The following RASAL2 variants were observed in gnomAD, a reference collection of about 807,000 sequenced individuals.
RASAL2 encodes RAS protein activator like 2.
RASAL2 carries 58 observed loss-of-function variants against 128.9 expected under a neutral mutation model. That is an observed-to-expected ratio of 0.45 (90% CI 0.36 to 0.56). The LOEUF is 0.56. RASAL2 is among the 20% of genes least tolerant of loss of function. The pLI, the probability that RASAL2 is intolerant of heterozygous loss-of-function variation, is 0.00. For synonymous variants in RASAL2, 561 were observed against 580.8 expected, an observed-to-expected ratio of 0.97 and a Z score of 0.49; for missense variants, 1,360 against 1,601.6, an observed-to-expected ratio of 0.85 and a Z score of 2.57.
intron 1 of RASAL2, among the ~76,000 whole-genome samples, chr1:178,268,563 A>G (rs546557232): frequency 6.6e-6 from 1 of 152,158 alleles, no homozygotes; most frequent in South Asian, 2.1e-4. Context: ...AAAGGTCACA[A>G]TGAGCTATGA....
chr1:178,119,610 C>T (rs1041880618), intron 1 of RASAL2, among the ~76,000 whole-genome samples: 1 of 152,212 alleles, frequency 6.6e-6, no homozygotes, highest in African/African-American at 2.4e-5. Flanking sequence ...GTTCAGTTTT[C>T]CTGATATGTA....
chr1:178,364,661 G>A (rs1159631248), intron 3 of RASAL2, among the ~76,000 whole-genome samples: 2 of 152,160 alleles, frequency 1.3e-5, no homozygotes, highest in East Asian at 3.8e-4. Flanking sequence ...CTAATCATAG[G>A]TATATTGGGT....
At chr1:178,441,476 T>C in intron 6 of RASAL2, 73 bp from the exon 7 acceptor site, 1 of 1,003,010 alleles carries the variant, frequency 1.0e-6, no homozygotes, top group Non-Finnish European at 1.6e-6. Flanking sequence ...GTTAGAGGTA[T>C]GCTGTGAACC....
intron 3 of RASAL2, among the ~76,000 whole-genome samples, chr1:178,370,727 A>G (rs1316753610): frequency 2.1e-4 from 32 of 152,162 alleles, no homozygotes; most frequent in Admixed American, 2.1e-3. Flanking sequence ...AGCTCCATCT[A>G]AGTGCCAAGC....
At chr1:178,339,631 A>C (rs367751670) in intron 3 of RASAL2, among the ~76,000 whole-genome samples, 1 of 152,188 alleles carries the variant, frequency 6.6e-6, no homozygotes, top group East Asian at 1.9e-4. Flanking sequence ...AAGCCTGTTC[A>C]TTTTGGATAG....
chr1:178,242,526 C>G (rs921214522), intron 1 of RASAL2, among the ~76,000 whole-genome samples: 9 of 150,148 alleles, frequency 6.0e-5, no homozygotes, highest in African/African-American at 2.0e-4. Flanking sequence ...CTCCTGGGCT[C>G]AAGCAGTCCT....
At chr1:178,396,618 T>C (rs1450916376) in intron 4 of RASAL2, among the ~76,000 whole-genome samples, 1 of 152,136 alleles carries the variant, frequency 6.6e-6, no homozygotes, top group East Asian at 1.9e-4. Flanking sequence ...GAATTGCTGG[T>C]AAACAATAAT....
intron 1 of RASAL2, among the ~76,000 whole-genome samples, chr1:178,221,239 GT>G (rs1663602872): frequency 6.6e-6 from 1 of 152,170 alleles, no homozygotes; most frequent in Non-Finnish European, 1.5e-5. Context: ...TTAGGAGGCT[GT>G]TGAGATTTTT....
chr1:178,313,222 G>A (rs1226842645), intron 3 of RASAL2, among the ~76,000 whole-genome samples: 1 of 152,158 alleles, frequency 6.6e-6, no homozygotes, highest in Non-Finnish European at 1.5e-5. Context: ...GAGTATGTAT[G>A]CACCTACTGG....
chr1:178,233,666 C>T (rs776786942), intron 1 of RASAL2, among the ~76,000 whole-genome samples: 39 of 152,310 alleles, frequency 2.6e-4, no homozygotes, highest in Non-Finnish European at 4.1e-4. Context: ...ACCTGGTCAA[C>T]AGCCGATCAC....
intron 1 of RASAL2, among the ~76,000 whole-genome samples, chr1:178,157,698 A>C (rs2101889282): frequency 6.6e-6 from 1 of 152,228 alleles, no homozygotes; most frequent in East Asian, 1.9e-4. Flanking sequence ...ATTGCATGTA[A>C]ATCTGTTAGG....
intron 1 of RASAL2, among the ~76,000 whole-genome samples, chr1:178,162,451 A>G (rs1661354108): frequency 8.2e-6 from 1 of 122,352 alleles, no homozygotes; most frequent in Non-Finnish European, 1.6e-5. Context: ...TAATATATAT[A>G]ATATTAAATA....
chr1:178,423,601 C>T (rs1484443724), intron 5 of RASAL2, among the ~76,000 whole-genome samples: 3 of 152,000 alleles, frequency 2.0e-5, no homozygotes, highest in East Asian at 3.9e-4. Flanking sequence ...TCGTAAGTTG[C>T]CTGAGGTTAT....
chr1:178,265,533 G>A (rs1395021049), intron 1 of RASAL2, among the ~76,000 whole-genome samples: 3 of 152,226 alleles, frequency 2.0e-5, no homozygotes, highest in Non-Finnish European at 2.9e-5. Flanking sequence ...CTCCCTAAAA[G>A]AGTAGGTATT....
chr1:178,404,912 G>T (rs2102675381), intron 4 of RASAL2, among the ~76,000 whole-genome samples: 1 of 152,040 alleles, frequency 6.6e-6, no homozygotes, highest in South Asian at 2.1e-4. Flanking sequence ...ATACTCCTAG[G>T]ATCAATCAAT....
At chr1:178,099,259 T>C (rs1658802896) in intron 1 of RASAL2, among the ~76,000 whole-genome samples, 1 of 152,232 alleles carries the variant, frequency 6.6e-6, no homozygotes, top group Admixed American at 6.5e-5. Context: ...ATTTTTGGAA[T>C]CTTAAGCTTG....
chr1:178,094,366 C>G lies in RASAL2; in HGVS notation c.-127C>G, dbSNP rs1658584116. 1.1e-6 allele frequency: 1 copy of G among 884,448 alleles called. No homozygotes were observed. Among genetic ancestry groups the G allele is most frequent in the African/African-American group, 1.8e-5 (1 of 55,642 alleles). 54.8% of individuals were successfully genotyped at this position (884,448 alleles called of 1,614,324 possible). ...GGAAGGAGGTGAGAGGTGTCCGCGCCGGCTGCCGCTCGGGTCCCTGCCCTC... is the reference window on the plus strand; with the variant it reads ...GGAAGGAGGTGAGAGGTGTCCGCGCGGGCTGCCGCTCGGGTCCCTGCCCTC... On this transcript the variant is annotated 5_prime_UTR_variant, in exon 1 of 18. Coordinates refer to ENST00000367649, the MANE Select transcript of RASAL2 (RefSeq NM_170692.4).
chr1:178,162,306 T>A (rs1661335613), intron 1 of RASAL2, among the ~76,000 whole-genome samples: 1 of 128,498 alleles, frequency 7.8e-6, no homozygotes, highest in South Asian at 2.2e-4. Flanking sequence ...TATATATATA[T>A]ATAATGTATT....
intron 15 of RASAL2, 97 bp from the exon 16 acceptor site, chr1:178,465,818 GAAAAA>G: frequency 8.9e-7 from 1 of 1,127,744 alleles, no homozygotes; most frequent in Non-Finnish European, 1.2e-6. Context: ...AAAGAAAAAA[GAAAAA>G]GAAAAAAAGA....
Sources: allele counts gnomAD v4.1 joint callset (sites outside exome capture counted in the v4.1 genomes callset), GRCh38; gene constraint gnomAD v4.1.1; transcripts MANE v1.5; gene names NCBI Gene and HGNC (gene_info 2026-07-23, HGNC 2026-07-21).